PLEKHA5: variants seen among roughly 807,000 people sequenced by gnomAD.
The protein encoded by PLEKHA5 is pleckstrin homology domain-containing family A member 5.
In PLEKHA5, 55 loss-of-function variants were observed where a neutral mutation model predicts 181.9. That is an observed-to-expected ratio of 0.30 (90% CI 0.24 to 0.38). The LOEUF (loss-of-function observed/expected upper bound fraction) is 0.38. Among genes scored for constraint, PLEKHA5 ranks in the 10% least tolerant of loss-of-function variants. The probability of loss-of-function intolerance (pLI) is 1.00; values close to 1 mark genes in which losing one functional copy is unlikely to be tolerated. For missense variants in PLEKHA5, 1,432 were observed against 1,549.5 expected, an observed-to-expected ratio of 0.92 and a Z score of 1.27; for synonymous variants, 535 against 529.4, an observed-to-expected ratio of 1.01 and a Z score of -0.15.
At chr12:19,353,462 CTT>C (rs1401539248) in intron 25 of PLEKHA5, among the ~76,000 whole-genome samples, 1 of 147,076 alleles carries the variant, frequency 6.8e-6, no homozygotes, top group Non-Finnish European at 1.5e-5. Context: ...CAGCCTGACT[CTT>C]TTTTTTTTAT....
intron 29 of PLEKHA5, among the ~76,000 whole-genome samples, chr12:19,364,796 G>C (rs1177085608): frequency 2.6e-5 from 4 of 151,908 alleles, no homozygotes; most frequent in Admixed American, 2.6e-4. Context: ...CTCCCAAGTA[G>C]CTGGGTTTAT....
chr12:19,131,030 T>C (rs1177947153), intron 2 of PLEKHA5: 2 of 152,276 alleles, frequency 1.3e-5, no homozygotes, highest in Non-Finnish European at 2.9e-5. Context: ...CTCCTCGTAG[T>C]TTCTGTACTG....
chr12:19,364,443 G>A (rs771453032), intron 29 of PLEKHA5, among the ~76,000 whole-genome samples: 3 of 151,858 alleles, frequency 2.0e-5, no homozygotes, highest in African/African-American at 7.3e-5. Context: ...CCAGGGAGGC[G>A]GAGGTCTCAG....
chr12:19,205,515 C>T (rs2055216142), intron 3 of PLEKHA5: 1 of 246,586 alleles, frequency 4.1e-6, no homozygotes, highest in African/African-American at 2.3e-5. Context: ...TATGTATTTA[C>T]TTATATCTGC....
chr12:19,305,033 A>G, intron 15 of PLEKHA5, among the ~76,000 whole-genome samples: 1 of 152,238 alleles, frequency 6.6e-6, no homozygotes, highest in Non-Finnish European at 1.5e-5. Context: ...ATGTGTGGAC[A>G]CATAGAAAGC....
chr12:19,156,232 A>T lies in PLEKHA5; in HGVS notation c.227+23782A>T, dbSNP rs528103307. On this transcript the variant is annotated intron_variant, in intron 3 of 31. Coordinates refer to ENST00000429027, the MANE Select transcript of PLEKHA5 (RefSeq NM_001256470.2). Reference sequence around the variant, plus strand: ...TTTTTTTGTTTTTTTTTTTCTCCTCAGGGAGTGAGCAAGCCAGTCATTTCT... The same window carrying T: ...TTTTTTTGTTTTTTTTTTTCTCCTCTGGGAGTGAGCAAGCCAGTCATTTCT... 6.2e-5 allele frequency among the ~76,000 whole-genome samples: 9 copies of T among 144,268 alleles called. No individual in the cohort carries two copies. The South Asian group carries it at 2.0e-3, about 31-fold the overall frequency. 94.6% of individuals were successfully genotyped at this position (144,268 alleles called of 152,430 possible).
chr12:19,347,881 TC>T (rs1401640025), intron 24 of PLEKHA5, among the ~76,000 whole-genome samples: 6 of 141,054 alleles, frequency 4.3e-5, no homozygotes, highest in South Asian at 2.3e-4. Flanking sequence ...ACAGAAATAT[TC>T]TTTTTTTTTT....
At chr12:19,170,423 G>A (rs1466580860) in intron 3 of PLEKHA5, among the ~76,000 whole-genome samples, 1 of 101,442 alleles carries the variant, frequency 9.9e-6, no homozygotes, top group Non-Finnish European at 2.1e-5. Flanking sequence ...TAACAATTCA[G>A]AAGACTTTTT....
rs148007721 is a variant in PLEKHA5, at chr12:19,306,662, C to G, written c.2038-8152C>G. ...CATCGAGGTAATAGGTGACTGATCTCCCCGGGCGCTAGCTCTGAGCAGATG... is the reference window on the plus strand; with the variant it reads ...CATCGAGGTAATAGGTGACTGATCTGCCCGGGCGCTAGCTCTGAGCAGATG... On this transcript the variant is annotated intron_variant, in intron 15 of 31. Transcript: ENST00000429027. 4.9e-5 allele frequency: 71 copies of G among 1,443,474 alleles called. No homozygotes were observed. In the Admixed American group the frequency reaches 7.9e-4, roughly 16 times the overall value. The allele number at this position is 1,443,474 out of a possible 1,614,324, so 89.4% of individuals were successfully genotyped here. A position where few individuals can be genotyped will look rare whatever the true frequency, so the allele number is the denominator to read the frequency against.
At chr12:19,243,932 G>A (rs761960702) in intron 3 of PLEKHA5, among the ~76,000 whole-genome samples, 9 of 152,188 alleles carry the variant, frequency 5.9e-5, no homozygotes, top group African/African-American at 1.2e-4. Flanking sequence ...CTATGCCAGC[G>A]TATTTTCAGT....
Position 19,246,378 on chromosome 12 carries a change from A to G in PLEKHA5, c.228-7562A>G, listed in dbSNP as rs865774175. ...GGTGGCTCACGCCTGTAATCCCAGC[A>G]CTTTGGGATGCTGAGGTGGGTGGAT... On this transcript the variant is annotated intron_variant, in intron 3 of 31. Coordinates refer to ENST00000429027, the MANE Select transcript of PLEKHA5 (RefSeq NM_001256470.2). Among the ~76,000 whole-genome samples the G allele has an allele frequency of 2.0e-5, 3 of 151,796 alleles. No homozygotes were observed. In the South Asian group the frequency reaches 6.3e-4, roughly 32 times the overall value.
At chr12:19,291,370 A>G (rs757650880) in intron 14 of PLEKHA5, among the ~76,000 whole-genome samples, 14 of 151,628 alleles carry the variant, frequency 9.2e-5, no homozygotes, top group Non-Finnish European at 1.5e-5. Flanking sequence ...AAGTTCTAAC[A>G]GTCAGTTTGC....
intron 11 of PLEKHA5, among the ~76,000 whole-genome samples, chr12:19,281,397 C>T (rs1403849538): frequency 6.6e-6 from 1 of 151,840 alleles, no homozygotes; most frequent in Non-Finnish European, 1.5e-5. Context: ...GGCAACATGG[C>T]AAAACCCCAT....
At chr12:19,367,320 A>ATC (rs1393876234) in intron 30 of PLEKHA5, among the ~76,000 whole-genome samples, 2 of 118,688 alleles carry the variant, frequency 1.7e-5, no homozygotes, top group Non-Finnish European at 3.2e-5. Context: ...ATGTGGCGTG[A>ATC]TCTCAGCTCA....
intron 20 of PLEKHA5, among the ~76,000 whole-genome samples, chr12:19,336,267 A>T (rs972924490): frequency 6.6e-6 from 1 of 152,248 alleles, no homozygotes; most frequent in South Asian, 2.1e-4. Flanking sequence ...ATGAAGACAG[A>T]TAAGAAAATG....
At chr12:19,213,383 A>C (rs2057347873) in intron 3 of PLEKHA5, among the ~76,000 whole-genome samples, 1 of 152,132 alleles carries the variant, frequency 6.6e-6, no homozygotes, top group Non-Finnish European at 1.5e-5. Flanking sequence ...CCAAAAGATT[A>C]TAGATGTCTT....
At chr12:19,239,092 C>T (rs1463905680) in intron 3 of PLEKHA5, among the ~76,000 whole-genome samples, 1 of 152,098 alleles carries the variant, frequency 6.6e-6, no homozygotes, top group Non-Finnish European at 1.5e-5. Flanking sequence ...TTGTGGTAGA[C>T]AGTACAAAAC....
chr12:19,354,940 A>G (rs2094845516), intron 26 of PLEKHA5, among the ~76,000 whole-genome samples: 1 of 152,176 alleles, frequency 6.6e-6, no homozygotes, highest in Non-Finnish European at 1.5e-5. Context: ...GATGCCTCTT[A>G]AGAATTTTCT....
At chr12:19,257,895 A>T (rs989594324) in intron 6 of PLEKHA5, among the ~76,000 whole-genome samples, 1 of 152,036 alleles carries the variant, frequency 6.6e-6, no homozygotes, top group South Asian at 2.1e-4. Context: ...AAGGGTACTC[A>T]TTTTTCTATT....
Sources: gnomAD v4.1 joint callset for allele counts (sites outside exome capture counted in the v4.1 genomes callset) on GRCh38, gnomAD v4.1.1 for gene constraint, MANE v1.5 for transcripts, NCBI Gene and HGNC (gene_info 2026-07-23, HGNC 2026-07-21) for gene names.